PARN: variants seen among roughly 807,000 people sequenced by gnomAD.
The protein encoded by PARN is poly(A)-specific ribonuclease, also known as poly(A)-specific ribonuclease PARN.
PARN carries 71 observed loss-of-function variants against 102.8 expected under a neutral mutation model. That is an observed-to-expected ratio of 0.69 (90% CI 0.57 to 0.84). The LOEUF (loss-of-function observed/expected upper bound fraction) is 0.84. Ranked by LOEUF, PARN falls within the 40% of genes least tolerant of loss-of-function variation. PARN has a pLI of 0.00. For missense variants in PARN, 782 were observed against 760.9 expected (o/e 1.03, Z -0.33); for synonymous variants, 261 against 252.9 (o/e 1.03, Z -0.30).
intron 16 of PARN, 76 bp from the exon 17 acceptor site, chr16:14,582,367 T>A (rs1038613950): frequency 1.1e-6 from 1 of 900,662 alleles, no homozygotes; most frequent in East Asian, 2.4e-5. Flanking sequence ...AAAATTGCAT[T>A]AGCATATGCT....
At chr16:14,474,963 G>A (rs899753794) in intron 22 of PARN, among the ~76,000 whole-genome samples, 1 of 152,170 alleles carries the variant, frequency 6.6e-6, no homozygotes, top group African/African-American at 2.4e-5. Context: ...GTTACTTTCA[G>A]AAACCACTAG....
intron 14 of PARN, among the ~76,000 whole-genome samples, chr16:14,586,044 A>G (rs891906402): frequency 7.1e-6 from 1 of 141,414 alleles, no homozygotes; most frequent in Non-Finnish European, 1.5e-5. Flanking sequence ...TAGTAGCACT[A>G]TTATGGCTCA....
intron 22 of PARN, among the ~76,000 whole-genome samples, chr16:14,474,573 G>A (rs570820427): frequency 5.3e-5 from 8 of 152,312 alleles, no homozygotes; most frequent in East Asian, 1.9e-4. Context: ...CAGAAGGGAC[G>A]TCAGCATTCT....
At chr16:14,550,626 G>T (rs1967235994) in intron 21 of PARN, among the ~76,000 whole-genome samples, 1 of 152,128 alleles carries the variant, frequency 6.6e-6, no homozygotes. Context: ...AAAGAAAAAT[G>T]CCAAAATACT....
Position 14,499,865 on chromosome 16 carries a change from A to T in PARN, c.1481-17038T>A, listed in dbSNP as rs574076740. Among the ~76,000 whole-genome samples, 3 of 152,338 alleles carry T rather than the reference A, an allele frequency of 2.0e-5. No individual in the cohort carries two copies. The South Asian group carries it at 6.2e-4, about 32-fold the overall frequency. On this transcript the variant is annotated intron_variant, in intron 21 of 23. Transcript: ENST00000437198. ...TCTCCAAAAAATGTTTTAAATAAAA[A>T]CAATATTAATACAATGGCAAGTGTG...
intron 9 of PARN, among the ~76,000 whole-genome samples, chr16:14,607,276 T>G (rs1331682933): frequency 6.6e-6 from 1 of 152,166 alleles, no homozygotes; most frequent in Non-Finnish European, 1.5e-5. Context: ...AGCCGCAATC[T>G]TGGCTCACTG....
intron 12 of PARN, 58 bp downstream of exon 12, chr16:14,599,846 G>T: frequency 1.0e-6 from 1 of 990,930 alleles, no homozygotes. Flanking sequence ...ATGATAATTA[G>T]ATACTTCACC....
intron 21 of PARN, among the ~76,000 whole-genome samples, chr16:14,532,686 C>A (rs1257271031): frequency 1.3e-5 from 2 of 152,024 alleles, no homozygotes; most frequent in South Asian, 2.1e-4. Flanking sequence ...GCTGGGCACA[C>A]CTCCCAGACG....
chr16:14,503,472 A>C (rs918266906), intron 21 of PARN, among the ~76,000 whole-genome samples: 3 of 152,238 alleles, frequency 2.0e-5, no homozygotes, highest in African/African-American at 7.2e-5. Context: ...TAAGCTGAGA[A>C]GGTGTTCAAA....
At chr16:14,501,467 GAA>G (rs1175035635) in intron 21 of PARN, 1 of 60,866 alleles carries the variant, frequency 1.6e-5, no homozygotes, top group African/African-American at 5.7e-5. Context: ...AAAACAGAAA[GAA>G]AAAGAGAATG....
chr16:14,549,026 T>C (rs777838545), intron 21 of PARN, among the ~76,000 whole-genome samples: 13 of 151,508 alleles, frequency 8.6e-5, no homozygotes, highest in Non-Finnish European at 8.8e-5. Flanking sequence ...GAAGGAAACA[T>C]TGGAGAAACT....
At chr16:14,614,030 G>A (rs1971701437) in intron 6 of PARN, among the ~76,000 whole-genome samples, 2 of 152,158 alleles carry the variant, frequency 1.3e-5, no homozygotes, top group South Asian at 4.1e-4. Flanking sequence ...GCTTTAGGGG[G>A]TGGCGGCAGG....
intron 23 of PARN, among the ~76,000 whole-genome samples, chr16:14,441,506 G>A (rs1164422603): frequency 3.3e-5 from 5 of 152,180 alleles, no homozygotes; most frequent in Non-Finnish European, 7.3e-5. Context: ...ACACAGGAAG[G>A]TCCTTTGGGA....
At chr16:14,622,375 T>C (rs911982575) in intron 5 of PARN, among the ~76,000 whole-genome samples, 26 of 152,224 alleles carry the variant, frequency 1.7e-4, no homozygotes, top group African/African-American at 5.8e-4. Flanking sequence ...GACTATAGAA[T>C]TGCTGATAAC....
intron 21 of PARN, among the ~76,000 whole-genome samples, chr16:14,511,450 A>G (rs1011749205): frequency 7.2e-5 from 11 of 152,108 alleles, no homozygotes; most frequent in African/African-American, 2.7e-4. Context: ...GGCTCATTAA[A>G]AAAAAAAAAT....
intron 22 of PARN, among the ~76,000 whole-genome samples, chr16:14,452,350 A>G (rs1054376283): frequency 6.6e-6 from 1 of 152,184 alleles, no homozygotes; most frequent in African/African-American, 2.4e-5. Context: ...CATTTTCCTG[A>G]ACAGTTTCTC....
intron 18 of PARN, among the ~76,000 whole-genome samples, chr16:14,569,065 T>C (rs1172337548): frequency 6.9e-6 from 1 of 145,980 alleles, no homozygotes; most frequent in Non-Finnish European, 1.5e-5. Flanking sequence ...TACAAAAATT[T>C]GCCGGGTATG....
intron 21 of PARN, among the ~76,000 whole-genome samples, chr16:14,505,991 A>G (rs1023766072): frequency 5.3e-5 from 8 of 152,242 alleles, no homozygotes; most frequent in Non-Finnish European, 1.2e-4. Flanking sequence ...GAAGGCTACA[A>G]TGGAAAAATC....
chr16:14,490,361 G>A (rs904826080), intron 21 of PARN, among the ~76,000 whole-genome samples: 8 of 152,076 alleles, frequency 5.3e-5, no homozygotes, highest in African/African-American at 1.9e-4. Flanking sequence ...TTCTTTCCAC[G>A]ACACCACATG....
Sources: allele counts gnomAD v4.1 joint callset (sites outside exome capture counted in the v4.1 genomes callset), GRCh38; gene constraint gnomAD v4.1.1; transcripts MANE v1.5; gene names NCBI Gene and HGNC (gene_info 2026-07-23, HGNC 2026-07-21).